The following TSPEAR variants were observed in gnomAD, a reference collection of about 807,000 sequenced individuals.
TSPEAR encodes thrombospondin type laminin G domain and EAR repeats.
Under a neutral mutation model 71.6 loss-of-function variants are expected in TSPEAR, and 69 were observed. The observed-to-expected ratio is 0.96, with a 90% CI of 0.79 to 1.18. The LOEUF is 1.18. Ranked by LOEUF, TSPEAR falls within the 50% of genes most tolerant of loss-of-function variation. The pLI, the probability that TSPEAR is intolerant of heterozygous loss-of-function variation, is 0.00. For synonymous variants in TSPEAR, 402 were observed against 387.2 expected (o/e 1.04, Z -0.45); for missense variants, 971 against 894.9 (o/e 1.09, Z -1.09).
chr21:44,503,189 G>A (rs2052082587), intron 11 of TSPEAR, among the ~76,000 whole-genome samples: 1 of 142,680 alleles, frequency 7.0e-6, no homozygotes. Flanking sequence ...GCCGGCCTTG[G>A]TGAGCCCACA....
intron 1 of TSPEAR, chr21:44,647,202 C>G: frequency 6.2e-7 from 1 of 1,613,510 alleles, no homozygotes; most frequent in Non-Finnish European, 8.5e-7. Context: ...GCAGGTCCAC[C>G]TGCTGTGTGC....
At chr21:44,667,648 G>T (rs1288977946) in intron 1 of TSPEAR, among the ~76,000 whole-genome samples, 1 of 152,178 alleles carries the variant, frequency 6.6e-6, no homozygotes, top group African/African-American at 2.4e-5. Flanking sequence ...CAGGATATGT[G>T]TGAGCTGAAT....
intron 11 of TSPEAR, among the ~76,000 whole-genome samples, chr21:44,503,704 C>G (rs1168388662): frequency 1.1e-4 from 14 of 127,350 alleles, no homozygotes; most frequent in African/African-American, 3.5e-4. Flanking sequence ...GGAAGCCGGC[C>G]TCGGTGAGCC....
rs367772666 is a variant in TSPEAR at position 44,627,764 on chromosome 21, G to A, written c.83-59759C>T. 142 of 1,599,922 alleles carry A rather than the reference G, an allele frequency of 8.9e-5. No individual in the cohort carries two copies. The highest frequency in any genetic ancestry group is 1.1e-4 in the Non-Finnish European group (131 of 1,171,232). ...CCTGTCTGCTGCAAACCCATCTGCTGTGTGCCTGTCTGCTCTGGGGCTTCC... is the reference window on the plus strand; with the variant it reads ...CCTGTCTGCTGCAAACCCATCTGCTATGTGCCTGTCTGCTCTGGGGCTTCC... On this transcript the variant is annotated intron_variant, in intron 1 of 11. Transcript: ENST00000323084.
chr21:44,624,614 G>T (rs587690321), intron 1 of TSPEAR, among the ~76,000 whole-genome samples: 3 of 152,104 alleles, frequency 2.0e-5, no homozygotes, highest in African/African-American at 7.2e-5. Flanking sequence ...TCTTCTTTCC[G>T]TTTTTTCCTT....
chr21:44,622,766 T>C (rs1476246109), intron 1 of TSPEAR, among the ~76,000 whole-genome samples: 3 of 152,230 alleles, frequency 2.0e-5, no homozygotes, highest in East Asian at 3.8e-4. Context: ...CCTATTTCTA[T>C]GTAAGGTCAC....
At position 44,593,156 on chromosome 21, in the gene TSPEAR, G is replaced by A. The variant is rs1980113786; in HGVS notation, c.83-25151C>T. On this transcript the variant is annotated intron_variant, in intron 1 of 11. Transcript: ENST00000323084. The surrounding 1 kb of genome is among the most constrained non-coding windows in gnomAD (Gnocchi z 5.9). ...AGGACGGTGGGCTTGGCCCCTCCCT[G>A]CTTGGACAGCATGACAGCCTTCTGG... Among the ~76,000 whole-genome samples the A allele has an allele frequency of 6.6e-6, 1 of 152,216 alleles. No homozygotes were observed. The highest frequency in any genetic ancestry group is 6.5e-5 in the Admixed American group (1 of 15,290).
intron 3 of TSPEAR, among the ~76,000 whole-genome samples, chr21:44,531,884 G>T (rs939419649): frequency 1.3e-5 from 2 of 152,246 alleles, no homozygotes; most frequent in African/African-American, 4.8e-5. Context: ...GGACAGCGTG[G>T]CTAGAGCTCC....
chr21:44,697,239 G>C, intron 1 of TSPEAR: 1 of 1,614,004 alleles, frequency 6.2e-7, no homozygotes, highest in Non-Finnish European at 8.5e-7. Flanking sequence ...TATGGCAGCC[G>C]CGTCTGCCTT....
At chr21:44,630,541 G>C (rs1433692363) in intron 1 of TSPEAR, among the ~76,000 whole-genome samples, 1 of 152,116 alleles carries the variant, frequency 6.6e-6, no homozygotes, top group Non-Finnish European at 1.5e-5. Flanking sequence ...GCCCATGATG[G>C]GGCACAGAAA....
At position 44,533,823 on chromosome 21, in the gene TSPEAR, T is replaced by G. The variant is rs782519144; in HGVS notation, c.404A>C (p.Glu135Ala). Reference protein sequence around the residue: ...PAQLHFLFLREDTAGAWQTRV... With the variant: ...PAQLHFLFLRADTAGAWQTRV... ...GGTCTGCCAGGCGCCGGCCGTGTCCTCGCGAAGGAACAGGAAGTGCAGCTG... is the reference window on the plus strand; with the variant it reads ...GGTCTGCCAGGCGCCGGCCGTGTCCGCGCGAAGGAACAGGAAGTGCAGCTG... The change falls in exon 3 of 12, where the codon GAG becomes GCG. Residue 135 changes from glutamate (E) to alanine (A), a missense_variant. Transcript: ENST00000323084. 6.2e-7 allele frequency: 1 copy of G among 1,612,478 alleles called. No individual in the cohort carries two copies. Among genetic ancestry groups the G allele is most frequent in the South Asian group, 1.1e-5 (1 of 91,074 alleles).
chr21:44,529,910 G>A lies in TSPEAR; in HGVS notation c.678C>T (p.Thr226=), dbSNP rs782276897. ...QLVLLPGSDA[T]PRLCPSRNAP... ...CGTTCCTGCTGGGACACAGCCTTGGGGTGGCGTCTGAGCCCGGCAGCAGGA... is the reference window on the plus strand; with the variant it reads ...CGTTCCTGCTGGGACACAGCCTTGGAGTGGCGTCTGAGCCCGGCAGCAGGA... Residue 226 remains threonine (T), a synonymous_variant, in exon 5 of 12, where the codon ACC becomes ACT. Transcript: ENST00000323084. 5 of 1,611,558 alleles carry A rather than the reference G, an allele frequency of 3.1e-6. No individual in the cohort carries two copies. The Admixed American group carries it at 8.3e-5, about 27-fold the overall frequency.
chr21:44,695,309 T>C lies in TSPEAR; in HGVS notation c.82+16124A>G, dbSNP rs1175356148. On this transcript the variant is annotated intron_variant, in intron 1 of 11. Coordinates refer to ENST00000323084, the MANE Select transcript of TSPEAR (RefSeq NM_144991.3). The surrounding 1 kb of genome is among the most constrained non-coding windows in gnomAD (Gnocchi z 4.5). Reference sequence around the variant, plus strand: ...AGGTACGCAAGTGCACCACAGACTCTGATATGTACAGAACAGGCCCCTGGG... The same window carrying C: ...AGGTACGCAAGTGCACCACAGACTCCGATATGTACAGAACAGGCCCCTGGG... Among the ~76,000 whole-genome samples, 2 of 152,118 alleles carry C rather than the reference T, an allele frequency of 1.3e-5. No homozygotes were observed. The highest frequency in any genetic ancestry group is 2.9e-5 in the Non-Finnish European group (2 of 68,038).
intron 1 of TSPEAR, among the ~76,000 whole-genome samples, chr21:44,591,074 G>A (rs1979773902): frequency 7.8e-6 from 1 of 128,998 alleles, no homozygotes; most frequent in Non-Finnish European, 1.7e-5. Flanking sequence ...CTCACCCTGT[G>A]CCCCCCGGGG....
Position 44,499,205 on chromosome 21 carries a change from G to C in TSPEAR, c.*578C>G, listed in dbSNP as rs587751953. On this transcript the variant is annotated 3_prime_UTR_variant, in exon 12 of 12. Transcript: ENST00000323084. The stretch of plus-strand genomic sequence containing the variant: ...GTGCATTTACGGGTAAACTGAGGCT[G>C]GGAGGGAAGCCTCTCTCTGTATGGG... The C allele has an allele frequency of 6.6e-6, 1 of 152,456 alleles. No homozygotes were observed. Among genetic ancestry groups the C allele is most frequent in the South Asian group, 2.1e-4 (1 of 4,832 alleles). 9.4% of individuals were successfully genotyped at this position (152,456 alleles called of 1,614,324 possible).
chr21:44,584,529 A>G (rs1555925493), intron 1 of TSPEAR, among the ~76,000 whole-genome samples: 1 of 152,202 alleles, frequency 6.6e-6, no homozygotes, highest in Non-Finnish European at 1.5e-5. Flanking sequence ...TGCATGTAAC[A>G]GCTTAGTTTT....
At chr21:44,666,268 G>A in intron 1 of TSPEAR, 1 of 790,612 alleles carries the variant, frequency 1.3e-6, no homozygotes, top group South Asian at 2.2e-5. Flanking sequence ...TGGGGGGATG[G>A]GCAAGGTCAG....
chr21:44,622,557 G>A (rs1329392735), intron 1 of TSPEAR, among the ~76,000 whole-genome samples: 1 of 152,114 alleles, frequency 6.6e-6, no homozygotes, highest in African/African-American at 2.4e-5. Flanking sequence ...CTAGTTTCTG[G>A]TGCTCCCAGC....
intron 1 of TSPEAR, chr21:44,627,229 G>C (rs1555934562): frequency 1.2e-6 from 2 of 1,612,744 alleles, no homozygotes; most frequent in Non-Finnish European, 1.7e-6. Flanking sequence ...CTGGCAGGTG[G>C]ACGACTGCCC....
Sources: allele counts gnomAD v4.1 joint callset (sites outside exome capture counted in the v4.1 genomes callset), GRCh38; gene constraint gnomAD v4.1.1; non-coding constraint Gnocchi (gnomAD v3.1); transcripts MANE v1.5; gene names NCBI Gene and HGNC (gene_info 2026-07-23, HGNC 2026-07-21).